The following NR3C2 variants were observed in gnomAD, a reference collection of about 807,000 sequenced individuals.
NR3C2 encodes nuclear receptor subfamily 3 group C member 2.
NR3C2 carries 15 observed loss-of-function variants against 86.4 expected under a neutral mutation model. The ratio of observed to expected loss-of-function variants is 0.17; its 90% CI spans 0.12 to 0.27. NR3C2 has a LOEUF of 0.27. Ranked by LOEUF, NR3C2 falls within the 10% of genes least tolerant of loss-of-function variation. NR3C2 has a pLI of 1.00. For missense variants in NR3C2, 960 were observed against 1,195.6 expected (o/e 0.80, Z 2.91); for synonymous variants, 458 against 450.5 (o/e 1.02, Z -0.21).
intron 8 of NR3C2, among the ~76,000 whole-genome samples, chr4:148,103,697 C>T (rs1481092964): frequency 6.6e-6 from 1 of 152,156 alleles, no homozygotes; most frequent in Non-Finnish European, 1.5e-5. Context: ...AGGGGAGCTC[C>T]GAGAGATACA....
At chr4:148,424,831 T>C (rs1749450982) in intron 2 of NR3C2, among the ~76,000 whole-genome samples, 1 of 152,186 alleles carries the variant, frequency 6.6e-6, no homozygotes, top group Non-Finnish European at 1.5e-5. Flanking sequence ...GCATCTCAAT[T>C]GGGTGGTGGT....
At chr4:148,369,642 TTAAAGTA>T (rs1746316961) in intron 2 of NR3C2, among the ~76,000 whole-genome samples, 1 of 152,192 alleles carries the variant, frequency 6.6e-6, no homozygotes, top group African/African-American at 2.4e-5. Flanking sequence ...TCTCTTCATT[TTAAAGTA>T]TAATCTGCCA....
rs185429483 is a variant in NR3C2, at chr4:148,154,474, T to A, written c.2365+77A>T. The A allele has an allele frequency of 2.1e-4, 264 of 1,279,792 alleles. 2 individuals are homozygous for A. The East Asian group carries it at 3.7e-3, about 18-fold the overall frequency. The allele number at this position is 1,279,792 out of a possible 1,614,324, so 79.3% of individuals were successfully genotyped here. A position where few individuals can be genotyped will look rare whatever the true frequency, so the allele number is the denominator to read the frequency against. On this transcript the variant is annotated intron_variant, in intron 5 of 8. Coordinates refer to ENST00000358102, the MANE Select transcript of NR3C2 (RefSeq NM_000901.5). ...TCATAGAACGCAAACTCCTCCTGCA[T>A]GGTTGGAGATGGCGAAGTCAGTTGC...
At chr4:148,416,830 C>T (rs1749027375) in intron 2 of NR3C2, among the ~76,000 whole-genome samples, 1 of 152,106 alleles carries the variant, frequency 6.6e-6, no homozygotes, top group African/African-American at 2.4e-5. Context: ...GGCTGGAGTG[C>T]AATGGCACAA....
At chr4:148,199,992 T>C (rs769884906) in intron 3 of NR3C2, among the ~76,000 whole-genome samples, 43 of 152,202 alleles carry the variant, frequency 2.8e-4, no homozygotes, top group Non-Finnish European at 5.4e-4. Flanking sequence ...GCATCTGGCA[T>C]AAGCCTTAAG....
intron 2 of NR3C2, among the ~76,000 whole-genome samples, chr4:148,400,544 G>C (rs1198653244): frequency 6.6e-6 from 1 of 152,056 alleles, no homozygotes; most frequent in African/African-American, 2.4e-5. Flanking sequence ...ACTTTGGGAG[G>C]CTGAGGCGGG....
At chr4:148,152,676 G>A (rs1734156737) in intron 5 of NR3C2, 63 bp from the exon 6 acceptor site, 2 of 1,545,352 alleles carry the variant, frequency 1.3e-6, no homozygotes, top group Admixed American at 1.7e-5. Context: ...CCAGGAAGAT[G>A]CTTCTTAAGT....
In NR3C2 at chr4:148,365,741, A is replaced by G. The variant is rs142723873; in HGVS notation, c.1757+69363T>C. 4.2e-3 allele frequency among the ~76,000 whole-genome samples: 332 copies of G among 79,402 alleles called. 6 individuals are homozygous for G. Among genetic ancestry groups the G allele is most frequent in the Non-Finnish European group, 2.0e-3 (83 of 42,094 alleles). The allele number at this position is 79,402 out of a possible 152,430, so 52.1% of individuals were successfully genotyped here. ...AATATCTATAATTTCTATTAGCAGC[A>G]AAGTCACAGTTTTTCTTATTAATTT... On this transcript the variant is annotated intron_variant, in intron 2 of 8. Transcript: ENST00000358102.
rs772759369 is a variant in NR3C2 at position 148,436,719 on chromosome 4, C to A, written c.142G>T (p.Val48Leu). The change falls in exon 2 of 9, where the codon GTA becomes TTA. Residue 48 changes from valine (V) to leucine (L), a missense_variant. This residue lies in a region of NR3C2 where 680 missense variants were observed against 719.0 expected (regional missense o/e 0.95). Coordinates refer to ENST00000358102, the MANE Select transcript of NR3C2 (RefSeq NM_000901.5). ...DENNYMEIVNVSCVSGAIPNN... is the reference protein window; with the variant it reads ...DENNYMEIVNLSCVSGAIPNN... ...GGAATAGCACCGGAAACACAGCTTA[C>A]GTTGACAATCTCCATGTAGTTATTC... 2.5e-6 allele frequency: 4 copies of A among 1,614,172 alleles called. No individual in the cohort carries two copies. The highest frequency in any genetic ancestry group is 3.4e-6 in the Non-Finnish European group (4 of 1,180,036).
At chr4:148,275,750 A>T (rs1740929081) in intron 2 of NR3C2, among the ~76,000 whole-genome samples, 1 of 152,210 alleles carries the variant, frequency 6.6e-6, no homozygotes, top group Non-Finnish European at 1.5e-5. Context: ...TCTTATAAAT[A>T]ATAGAAAATA....
chr4:148,274,458 G>A (rs147754901), intron 2 of NR3C2, among the ~76,000 whole-genome samples: 27 of 152,190 alleles, frequency 1.8e-4, no homozygotes, highest in African/African-American at 6.5e-4. Flanking sequence ...TGGATCATGG[G>A]GGTGGTGTAC....
intron 2 of NR3C2, among the ~76,000 whole-genome samples, chr4:148,373,769 CGCCCG>C (rs1746539783): frequency 6.6e-6 from 1 of 152,080 alleles, no homozygotes; most frequent in African/African-American, 2.4e-5. Context: ...TGAGCCACCG[CGCCCG>C]GCCAGGATGA....
chr4:148,345,637 T>C (rs1221865638), intron 2 of NR3C2, among the ~76,000 whole-genome samples: 1 of 151,926 alleles, frequency 6.6e-6, no homozygotes, highest in Non-Finnish European at 1.5e-5. Context: ...TTCTTCTAGT[T>C]AGTAAACTTT....
intron 4 of NR3C2, among the ~76,000 whole-genome samples, chr4:148,165,679 A>C (rs1329742264): frequency 1.3e-5 from 2 of 152,178 alleles, no homozygotes; most frequent in African/African-American, 4.8e-5. Flanking sequence ...TGAACCATTA[A>C]AAACTATTAA....
At position 148,132,024 on chromosome 4, in the gene NR3C2, T is replaced by C. The variant is rs556106394; in HGVS notation, c.2511-11736A>G. ...AAATTTTTTTAAACCATAAATCCTA[T>C]ATATAGTATTCTTAAAAACATTCCT... On this transcript the variant is annotated intron_variant, in intron 6 of 8. Transcript: ENST00000358102. 8.5e-5 allele frequency among the ~76,000 whole-genome samples: 13 copies of C among 152,336 alleles called. No individual in the cohort carries two copies. The East Asian group carries it at 1.5e-3, about 18-fold the overall frequency.
intron 2 of NR3C2, among the ~76,000 whole-genome samples, chr4:148,362,406 T>C (rs1165521391): frequency 6.6e-6 from 1 of 152,222 alleles, no homozygotes; most frequent in East Asian, 1.9e-4. Context: ...TGTATTACAA[T>C]GTCACTATGT....
chr4:148,420,595 T>G (rs901736086), intron 2 of NR3C2, among the ~76,000 whole-genome samples: 4 of 152,152 alleles, frequency 2.6e-5, no homozygotes, highest in Non-Finnish European at 5.9e-5. Flanking sequence ...AAGTGAGGAC[T>G]TCCTCATTTT....
rs185207606 is a variant in NR3C2, at chr4:148,374,419, C to A, written c.1757+60685G>T. Among the ~76,000 whole-genome samples the A allele has an allele frequency of 3.9e-5, 6 of 152,194 alleles. No individual in the cohort carries two copies. The South Asian group carries it at 6.2e-4, about 16-fold the overall frequency. ...TTATTTCACAGATGAGGAAACCGGG[C>A]CCAGAAAGACTCAATATCCTCAAGG... On this transcript the variant is annotated intron_variant, in intron 2 of 8. Coordinates refer to ENST00000358102, the MANE Select transcript of NR3C2 (RefSeq NM_000901.5).
At chr4:148,399,987 A>G (rs1312012110) in intron 2 of NR3C2, among the ~76,000 whole-genome samples, 1 of 152,200 alleles carries the variant, frequency 6.6e-6, no homozygotes, top group Admixed American at 6.5e-5. Flanking sequence ...TTTAGAATGC[A>G]GCTTCTTTCA....
Sources: allele counts gnomAD v4.1 joint callset (sites outside exome capture counted in the v4.1 genomes callset), GRCh38; gene constraint gnomAD v4.1.1; regional missense constraint gnomAD v4.1.1; transcripts MANE v1.5; gene names NCBI Gene and HGNC (gene_info 2026-07-23, HGNC 2026-07-21).